The following EYA1 variants were observed in gnomAD, a reference collection of about 807,000 sequenced individuals.
EYA1 encodes EYA transcriptional coactivator and phosphatase 1.
In EYA1, 16 loss-of-function variants were observed where a neutral mutation model predicts 82.0. That is an observed-to-expected ratio of 0.20 (90% confidence interval 0.13 to 0.30). The LOEUF (loss-of-function observed/expected upper bound fraction) is 0.30. EYA1 is among the 10% of genes least tolerant of loss of function. EYA1 has a pLI of 1.00. For synonymous variants in EYA1, 261 were observed against 264.4 expected, an observed-to-expected ratio of 0.99 and a Z score of 0.12; for missense variants, 633 against 730.7, an observed-to-expected ratio of 0.87 and a Z score of 1.54.
Position 71,299,398 on chromosome 8 carries a change from T to A in EYA1, c.640-165A>T, listed in dbSNP as rs193034059. Among the ~76,000 whole-genome samples, 376 of 152,316 alleles carry A rather than the reference T, an allele frequency of 2.5e-3. 1 individual carries two copies. Among genetic ancestry groups the A allele is most frequent in the African/African-American group, 8.6e-3 (356 of 41,568 alleles). On this transcript the variant is annotated intron_variant, in intron 8 of 17. Transcript: ENST00000340726. ...AAAGAGCTCAGACTTGCAAACAAATTTTATGTAAGATTATACACATTCTTC... is the reference window on the plus strand; with the variant it reads ...AAAGAGCTCAGACTTGCAAACAAATATTATGTAAGATTATACACATTCTTC...
At chr8:71,434,679 T>C (rs1563610834) in intron 2 of EYA1, among the ~76,000 whole-genome samples, 2 of 152,260 alleles carry the variant, frequency 1.3e-5, no homozygotes, top group Non-Finnish European at 2.9e-5. Context: ...CACAGGCAAA[T>C]GTGAATTGTT....
intron 2 of EYA1, among the ~76,000 whole-genome samples, chr8:71,505,206 A>C (rs1050308417): frequency 6.6e-6 from 1 of 152,194 alleles, no homozygotes; most frequent in Admixed American, 6.5e-5. Flanking sequence ...TATAAAATGA[A>C]ATGAAGATGA....
chr8:71,246,487 A>G (rs1273813231), intron 11 of EYA1, among the ~76,000 whole-genome samples: 3 of 152,140 alleles, frequency 2.0e-5, no homozygotes, highest in East Asian at 1.9e-4. Context: ...TGAACACTCT[A>G]ACTTTATCTC....
At chr8:71,472,082 T>C (rs771278529) in intron 2 of EYA1, among the ~76,000 whole-genome samples, 21 of 152,138 alleles carry the variant, frequency 1.4e-4, no homozygotes, top group Non-Finnish European at 2.9e-4. Flanking sequence ...TTAATATATG[T>C]TCTGTATTCA....
At chr8:71,474,937 G>A (rs1809534820) in intron 2 of EYA1, among the ~76,000 whole-genome samples, 1 of 152,098 alleles carries the variant, frequency 6.6e-6, no homozygotes, top group Admixed American at 6.5e-5. Flanking sequence ...TTCGAGACCA[G>A]CCTGACCAAC....
At chr8:71,439,973 A>G in intron 2 of EYA1, among the ~76,000 whole-genome samples, 1 of 152,216 alleles carries the variant, frequency 6.6e-6, no homozygotes. Flanking sequence ...ACTAACACCT[A>G]TTAACTAAAA....
intron 17 of EYA1, among the ~76,000 whole-genome samples, chr8:71,202,810 CTTCT>C (rs1402235469): frequency 6.6e-6 from 1 of 152,150 alleles, no homozygotes; most frequent in Non-Finnish European, 1.5e-5. Context: ...AAATAGTAGA[CTTCT>C]TTAAGAAATG....
intron 11 of EYA1, among the ~76,000 whole-genome samples, chr8:71,251,287 T>C (rs557583475): frequency 2.6e-5 from 4 of 152,348 alleles, no homozygotes; most frequent in African/African-American, 9.6e-5. Flanking sequence ...TACAGTCAAC[T>C]GTTTTATCAA....
chr8:71,521,659 T>C (rs549799840), intron 2 of EYA1, among the ~76,000 whole-genome samples: 18 of 152,108 alleles, frequency 1.2e-4, no homozygotes, highest in Non-Finnish European at 2.1e-4. Flanking sequence ...TTTTAAACCA[T>C]CAAAATCTAA....
At chr8:71,443,698 T>C (rs1375753343) in intron 2 of EYA1, among the ~76,000 whole-genome samples, 2 of 152,336 alleles carry the variant, frequency 1.3e-5, no homozygotes, top group African/African-American at 4.8e-5. Flanking sequence ...CCATATTACA[T>C]TGGCCTTGCA....
intron 2 of EYA1, among the ~76,000 whole-genome samples, chr8:71,446,249 G>T (rs1483637017): frequency 1.3e-5 from 2 of 152,042 alleles, no homozygotes; most frequent in African/African-American, 2.4e-5. Context: ...TTGAGGGCGG[G>T]TCCTGGTAGG....
At chr8:71,500,954 G>A (rs1344303215) in intron 2 of EYA1, among the ~76,000 whole-genome samples, 2 of 152,092 alleles carry the variant, frequency 1.3e-5, no homozygotes, top group Non-Finnish European at 2.9e-5. Context: ...TTTGATAAGG[G>A]TTGAGAGGCT....
chr8:71,373,575 C>T (rs979181010), intron 2 of EYA1, among the ~76,000 whole-genome samples: 4 of 152,094 alleles, frequency 2.6e-5, no homozygotes, highest in Admixed American at 1.3e-4. Context: ...AAGCAACCTA[C>T]AGATTCAATG....
At chr8:71,362,787 TA>T (rs35201609), upstream of EYA1, among the ~76,000 whole-genome samples, 15 of 151,858 alleles carry the variant, frequency 9.9e-5, no homozygotes, top group East Asian at 3.9e-4. Context: ...CTTATTCTTT[TA>T]AAAAAAAATT....
At chr8:71,222,976 T>C (rs575403189) in intron 12 of EYA1, among the ~76,000 whole-genome samples, 1 of 152,318 alleles carries the variant, frequency 6.6e-6, no homozygotes, top group South Asian at 2.1e-4. Context: ...GCCTGGAGCA[T>C]GGATGTGGGT....
At chr8:71,497,224 T>C (rs1811481476) in intron 2 of EYA1, among the ~76,000 whole-genome samples, 1 of 152,178 alleles carries the variant, frequency 6.6e-6, no homozygotes, top group Non-Finnish European at 1.5e-5. Flanking sequence ...TAAAAAATAA[T>C]TACACAAAAA....
At chr8:71,445,870 A>T (rs1045718983) in intron 2 of EYA1, among the ~76,000 whole-genome samples, 2 of 152,118 alleles carry the variant, frequency 1.3e-5, no homozygotes, top group African/African-American at 2.4e-5. Flanking sequence ...AACTTTTCAT[A>T]AATTAACAAA....
At chr8:71,228,425 G>C (rs994248586) in intron 12 of EYA1, among the ~76,000 whole-genome samples, 5 of 151,966 alleles carry the variant, frequency 3.3e-5, no homozygotes, top group Non-Finnish European at 7.4e-5. Flanking sequence ...GTGTTAAAAG[G>C]GGAAATGGAG....
chr8:71,514,305 C>T (rs948626203), intron 2 of EYA1, among the ~76,000 whole-genome samples: 1 of 151,822 alleles, frequency 6.6e-6, no homozygotes, highest in Non-Finnish European at 1.5e-5. Flanking sequence ...AATTCTTTAC[C>T]TCACTTCAGG....
Sources: allele counts gnomAD v4.1 joint callset (sites outside exome capture counted in the v4.1 genomes callset), GRCh38; gene constraint gnomAD v4.1.1; transcripts MANE v1.5; gene names NCBI Gene and HGNC (gene_info 2026-07-23, HGNC 2026-07-21).